Variants in OTOA observed in about 807,000 individuals in gnomAD.
OTOA encodes cancer/testis antigen 108.
A neutral mutation model predicts 110.8 loss-of-function variants in OTOA; 70 were observed. That is an observed-to-expected ratio of 0.63 (90% CI 0.52 to 0.77). The LOEUF (loss-of-function observed/expected upper bound fraction) is 0.77. Ranked by LOEUF, OTOA falls within the 30% of genes least tolerant of loss-of-function variation. OTOA has a pLI of 0.00. For synonymous variants in OTOA, 373 were observed against 431.5 expected (o/e 0.86, Z 1.68); for missense variants, 917 against 1,075.8 (o/e 0.85, Z 2.06).
intron 18 of OTOA, 88 bp from the exon 19 acceptor site, chr16:21,726,435 A>G: frequency 1.3e-6 from 2 of 1,547,794 alleles, no homozygotes; most frequent in Non-Finnish European, 8.9e-7. Context: ...TGTCTTTGGG[A>G]TGAGCTCTTG....
At chr16:21,683,580 C>T (rs1358377921) in intron 6 of OTOA, among the ~76,000 whole-genome samples, 1 of 151,830 alleles carries the variant, frequency 6.6e-6, no homozygotes, top group Non-Finnish European at 1.5e-5. Flanking sequence ...GGTGGTGTGG[C>T]CTGTAGTCCC....
At chr16:21,687,321 C>A in intron 7 of OTOA, 92 bp from the exon 8 acceptor site, 2 of 1,010,386 alleles carry the variant, frequency 2.0e-6, no homozygotes, top group Non-Finnish European at 1.6e-6. Context: ...GTGATCCTGA[C>A]TTTCCCCACT....
chr16:21,724,993 G>T (rs1471216023), intron 18 of OTOA, among the ~76,000 whole-genome samples: 1 of 152,050 alleles, frequency 6.6e-6, no homozygotes, highest in Non-Finnish European at 1.5e-5. Flanking sequence ...GGCCAGGCTG[G>T]TCTCAAACTC....
chr16:21,734,904 C>T (rs563986017), intron 21 of OTOA, among the ~76,000 whole-genome samples: 1 of 151,898 alleles, frequency 6.6e-6, no homozygotes, highest in South Asian at 2.1e-4. Flanking sequence ...TTTGGGAGGC[C>T]GAGGTGGGCG....
At position 21,674,896 on chromosome 16, in the gene OTOA, C is replaced by CTTTT. The variant is rs60269668; in HGVS notation, c.-4-3592_-4-3589dup. ...TTTTTGCTGGATTTTTTTTAAAAAT[C>CTTTT]TTTTTTTTTTTTTTTTTTTTTTTTT... On this transcript the variant is annotated intron_variant, in intron 1 of 28. Transcript: ENST00000646100. Among the ~76,000 whole-genome samples, 193 of 29,782 alleles carry CTTTT rather than the reference C, an allele frequency of 6.5e-3. 37 individuals carry two copies. The highest frequency in any genetic ancestry group is 0.052 in the East Asian group (37 of 712). The allele number at this position is 29,782 out of a possible 152,430, so 19.5% of individuals were successfully genotyped here. A position where few individuals can be genotyped will look rare whatever the true frequency, so the allele number is the denominator to read the frequency against.
chr16:21,730,834 T>C lies in OTOA; in HGVS notation c.2208-3T>C. ...CACTTTACTGGTTATTATCTCTTTT[T>C]AGACTCCCTCAGCACTGGACAGCCG... On this transcript the variant is annotated splice_polypyrimidine_tract_variant and splice_region_variant and intron_variant, in intron 20 of 28. Coordinates refer to ENST00000646100, the MANE Select transcript of OTOA (RefSeq NM_144672.4). 6.5e-7 allele frequency: 1 copy of C among 1,530,846 alleles called. No homozygotes were observed. The highest frequency in any genetic ancestry group is 1.2e-5 in the South Asian group (1 of 85,914). 94.8% of individuals were successfully genotyped at this position (1,530,846 alleles called of 1,614,324 possible).
intron 1 of OTOA, among the ~76,000 whole-genome samples, chr16:21,674,586 G>A (rs1195135088): frequency 2.6e-5 from 4 of 151,448 alleles, no homozygotes; most frequent in Admixed American, 2.0e-4. Context: ...CACCCACCTC[G>A]GCCTTCCAAA....
intron 8 of OTOA, among the ~76,000 whole-genome samples, chr16:21,690,331 T>C (rs1897803462): frequency 6.6e-6 from 1 of 152,024 alleles, no homozygotes; most frequent in Admixed American, 6.6e-5. Context: ...TTTTTCCTAA[T>C]GCTCTCCCTC....
chr16:21,669,045 T>G (rs922809206), intron 1 of OTOA, among the ~76,000 whole-genome samples: 9 of 151,998 alleles, frequency 5.9e-5, no homozygotes, highest in Admixed American at 5.2e-4. Context: ...TTTAAATACA[T>G]GCTGACTATC....
chr16:21,699,624 G>T (rs1898011094), intron 10 of OTOA, among the ~76,000 whole-genome samples: 1 of 151,250 alleles, frequency 6.6e-6, no homozygotes, highest in South Asian at 2.1e-4. Context: ...GTAAAAGAGT[G>T]AGACTGTGTC....
Position 21,687,449 on chromosome 16 carries a change from C to A in OTOA, c.436C>A (p.Arg146=), listed in dbSNP as rs561680253. 1.9e-6 allele frequency: 3 copies of A among 1,613,986 alleles called. No homozygotes were observed. Among genetic ancestry groups the A allele is most frequent in the Non-Finnish European group, 2.5e-6 (3 of 1,179,988 alleles). The change falls in exon 8 of 29, where the codon CGA becomes AGA. Residue 146 remains arginine, a synonymous_variant. Coordinates refer to ENST00000646100, the MANE Select transcript of OTOA (RefSeq NM_144672.4). ...CATCATCATCGACTTAGGAGAGATT[C>A]GAGAACGAGCCTTGCAGAGCCCTGG... ...KDIIIDLGEI[R]ERALQSPGVN... is the part of the protein sequence containing the mutation.
Position 21,728,349 on chromosome 16 carries a change from G to T in OTOA, c.2125G>T (p.Ala709Ser). Residue 709 changes from alanine to serine, a missense_variant, in exon 20 of 29, where the codon GCT becomes TCT. Around this residue, in one of 6 missense-constraint regions of OTOA, gnomAD observed 840 missense variants for 910.2 expected, o/e 0.92. Transcript: ENST00000646100. Reference sequence around the variant, plus strand: ...GATCTCCCCCAGGGCTTGGGCGACTGCTCTACACGGCCTCAGAGACTGCCC... The same window carrying T: ...GATCTCCCCCAGGGCTTGGGCGACTTCTCTACACGGCCTCAGAGACTGCCC... The part of the protein sequence containing the change: ...RGISPRAWAT[A>S]LHGLRDCPDL... 6.2e-7 allele frequency: 1 copy of T among 1,614,160 alleles called. No homozygotes were observed. Among genetic ancestry groups the T allele is most frequent in the Non-Finnish European group, 8.5e-7 (1 of 1,180,026 alleles).
chr16:21,711,217 T>A (rs1414787885), intron 13 of OTOA, among the ~76,000 whole-genome samples: 1 of 152,154 alleles, frequency 6.6e-6, no homozygotes, highest in Non-Finnish European at 1.5e-5. Context: ...ATTAGGTTGA[T>A]GCAAAAAGTA....
At chr16:21,691,795 A>G in intron 9 of OTOA, 108 bp downstream of exon 9, 1 of 1,005,448 alleles carries the variant, frequency 9.9e-7, no homozygotes, top group South Asian at 1.4e-5. Context: ...TCTGATTTTT[A>G]CCACCTCCCA....
In OTOA at chr16:21,684,508, G is replaced by A. The variant is rs1039478920; in HGVS notation, c.268-722G>A. 4.5e-6 allele frequency: 7 copies of A among 1,550,146 alleles called. 1 individual carries two copies. The highest frequency in any genetic ancestry group is 2.4e-5 in the South Asian group (2 of 83,924). ...TGGGGTTCTAAACTTCCTGGACAAA[G>A]GCCAGCTGCTGCTGATGGGAAACTC... On this transcript the variant is annotated intron_variant, in intron 6 of 28. Transcript: ENST00000646100.
chr16:21,696,659 T>G (rs1286174982), intron 9 of OTOA, among the ~76,000 whole-genome samples: 3 of 151,980 alleles, frequency 2.0e-5, no homozygotes, highest in African/African-American at 7.2e-5. Context: ...CACCTCCACC[T>G]CCCGGGCTCA....
chr16:21,733,529 A>G (rs1490657085), intron 21 of OTOA, among the ~76,000 whole-genome samples: 1 of 151,874 alleles, frequency 6.6e-6, no homozygotes, highest in African/African-American at 2.4e-5. Flanking sequence ...AAGGGGAGCT[A>G]CATAGGCTGA....
intron 17 of OTOA, among the ~76,000 whole-genome samples, chr16:21,720,107 C>T (rs941032513): frequency 6.6e-6 from 1 of 152,040 alleles, no homozygotes; most frequent in African/African-American, 2.4e-5. Context: ...AGGCACACAC[C>T]ACCATGCCTG....
chr16:21,730,576 A>G, intron 20 of OTOA: 1 of 417,816 alleles, frequency 2.4e-6, no homozygotes, highest in Non-Finnish European at 4.6e-6. Flanking sequence ...GGTAATATGA[A>G]TGTCCTCCAA....
Sources: gnomAD v4.1 joint callset for allele counts (sites outside exome capture counted in the v4.1 genomes callset) on GRCh38, gnomAD v4.1.1 for gene constraint, gnomAD v4.1.1 regional missense constraint, MANE v1.5 for transcripts, NCBI Gene and HGNC (gene_info 2026-07-23, HGNC 2026-07-21) for gene names.